NRXN3: variants seen among roughly 807,000 people sequenced by gnomAD.
NRXN3 encodes the protein neurexin III.
In NRXN3, 32 loss-of-function variants were observed where a neutral mutation model predicts 137.6. The ratio of observed to expected loss-of-function variants is 0.23; its 90% CI spans 0.18 to 0.31. The LOEUF is 0.31. NRXN3 is among the 10% of genes least tolerant of loss of function. The probability of loss-of-function intolerance (pLI) is 1.00; values close to 1 mark genes in which losing one functional copy is unlikely to be tolerated. For synonymous variants in NRXN3, 798 were observed against 784.5 expected (o/e 1.02, Z -0.29); for missense variants, 1,574 against 2,062.5 (o/e 0.76, Z 4.59).
At chr14:79,386,223 A>G (rs2094610607) in intron 15 of NRXN3, among the ~76,000 whole-genome samples, 1 of 152,172 alleles carries the variant, frequency 6.6e-6, no homozygotes, top group South Asian at 2.1e-4. Context: ...TCAGCCCAAA[A>G]TCTCCTTACG....
intron 1 of NRXN3, among the ~76,000 whole-genome samples, chr14:78,205,315 C>A (rs1432444768): frequency 6.6e-6 from 1 of 152,220 alleles, no homozygotes; most frequent in East Asian, 1.9e-4. Context: ...GGGATTAAGT[C>A]ACTTGCCCAT....
At chr14:79,586,196 T>A (rs892525184) in intron 16 of NRXN3, among the ~76,000 whole-genome samples, 4 of 152,264 alleles carry the variant, frequency 2.6e-5, no homozygotes, top group Admixed American at 2.0e-4. Flanking sequence ...TATTTTATAT[T>A]ATTTGTTTGA....
chr14:79,186,251 G>GAAA (rs5809927), intron 15 of NRXN3, among the ~76,000 whole-genome samples: 16 of 150,414 alleles, frequency 1.1e-4, no homozygotes, highest in Non-Finnish European at 1.5e-4. Context: ...GGTGTTACCT[G>GAAA]AAAAAAAAAG....
At chr14:78,934,273 C>T (rs1320475730) in intron 10 of NRXN3, among the ~76,000 whole-genome samples, 1 of 151,642 alleles carries the variant, frequency 6.6e-6, no homozygotes, top group Non-Finnish European at 1.5e-5. Flanking sequence ...AAGTCTTATT[C>T]TTTAAAGGCC....
At chr14:78,583,852 A>C (rs1040590876) in intron 4 of NRXN3, among the ~76,000 whole-genome samples, 2 of 152,082 alleles carry the variant, frequency 1.3e-5, no homozygotes, top group African/African-American at 4.8e-5. Context: ...GTGGGCCTGG[A>C]ATATTACTGC....
intron 15 of NRXN3, among the ~76,000 whole-genome samples, chr14:79,384,373 G>T (rs1387847030): frequency 6.6e-6 from 1 of 152,114 alleles, no homozygotes; most frequent in Non-Finnish European, 1.5e-5. Context: ...GGAGCCTCTT[G>T]ACGTTTACTA....
intron 4 of NRXN3, among the ~76,000 whole-genome samples, chr14:78,458,363 T>G (rs1435852706): frequency 6.6e-6 from 1 of 152,102 alleles, no homozygotes; most frequent in Non-Finnish European, 1.5e-5. Context: ...ATTAGAGACT[T>G]GAAAAATGTG....
At chr14:79,681,744 T>G (rs989751841) in intron 17 of NRXN3, among the ~76,000 whole-genome samples, 7 of 120,028 alleles carry the variant, frequency 5.8e-5, no homozygotes, top group Non-Finnish European at 1.0e-4. Context: ...ATTGTAGCTA[T>G]TTTTTTTTTT....
chr14:79,221,701 T>C (rs1325510009), intron 15 of NRXN3, among the ~76,000 whole-genome samples: 2 of 152,196 alleles, frequency 1.3e-5, no homozygotes, highest in African/African-American at 4.8e-5. Context: ...ATTCTGTAGA[T>C]TGCCTGTTCA....
intron 16 of NRXN3, among the ~76,000 whole-genome samples, chr14:79,482,186 G>T (rs2096615471): frequency 6.6e-6 from 1 of 152,156 alleles, no homozygotes; most frequent in South Asian, 2.1e-4. Flanking sequence ...TTTGTGAATG[G>T]TTATTATCAT....
At chr14:79,397,719 G>T (rs2095067338) in intron 15 of NRXN3, among the ~76,000 whole-genome samples, 1 of 152,154 alleles carries the variant, frequency 6.6e-6, no homozygotes, top group Non-Finnish European at 1.5e-5. Flanking sequence ...CCAGAGATGG[G>T]CAAGGAAAGA....
intron 15 of NRXN3, among the ~76,000 whole-genome samples, chr14:79,260,839 C>G (rs887948848): frequency 6.6e-6 from 1 of 152,178 alleles, no homozygotes; most frequent in Non-Finnish European, 1.5e-5. Context: ...TCAAGAGATA[C>G]TATAGTCAAG....
chr14:78,775,938 C>T (rs1238613789), intron 8 of NRXN3, among the ~76,000 whole-genome samples: 2 of 152,116 alleles, frequency 1.3e-5, no homozygotes, highest in Non-Finnish European at 2.9e-5. Flanking sequence ...AAATCTTGTG[C>T]CATCCTACTC....
chr14:78,688,716 T>C (rs990193812), intron 6 of NRXN3, among the ~76,000 whole-genome samples: 1 of 152,002 alleles, frequency 6.6e-6, no homozygotes, highest in Admixed American at 6.6e-5. Context: ...GGTATTCAAA[T>C]GAAAAGCATT....
At chr14:78,190,398 C>T (rs1237153153) in intron 1 of NRXN3, among the ~76,000 whole-genome samples, 1 of 152,156 alleles carries the variant, frequency 6.6e-6, no homozygotes, top group Non-Finnish European at 1.5e-5. Flanking sequence ...ACCTGGAATT[C>T]CACCTCCCAG....
chr14:78,580,778 A>C (rs2096986046), intron 4 of NRXN3, among the ~76,000 whole-genome samples: 1 of 152,234 alleles, frequency 6.6e-6, no homozygotes. Context: ...ATCATTGTAC[A>C]AAAGAAAAGT....
intron 8 of NRXN3, among the ~76,000 whole-genome samples, chr14:78,802,135 A>G (rs1035876349): frequency 2.0e-5 from 3 of 152,216 alleles, no homozygotes; most frequent in Non-Finnish European, 4.4e-5. Flanking sequence ...GTTTTCTAAA[A>G]TTATTTGCCT....
intron 4 of NRXN3, among the ~76,000 whole-genome samples, chr14:78,521,851 A>G (rs1053314738): frequency 6.6e-6 from 1 of 152,210 alleles, no homozygotes; most frequent in Non-Finnish European, 1.5e-5. Context: ...CTTGGGAACC[A>G]AGAAAAAGGA....
intron 1 of NRXN3, among the ~76,000 whole-genome samples, chr14:78,230,895 A>C (rs556700236): frequency 5.7e-4 from 87 of 152,318 alleles, no homozygotes; most frequent in Non-Finnish European, 1.0e-3. Flanking sequence ...TTCCATTTTA[A>C]AAGGTCATTC....
Sources: allele counts gnomAD v4.1 joint callset (sites outside exome capture counted in the v4.1 genomes callset), GRCh38; gene constraint gnomAD v4.1.1; transcripts MANE v1.5; gene names NCBI Gene and HGNC (gene_info 2026-07-23, HGNC 2026-07-21).